MLLT3: variants seen among roughly 807,000 people sequenced by gnomAD.
MLLT3 encodes the protein protein AF-9.
A neutral mutation model predicts 53.2 loss-of-function variants in MLLT3; 4 were observed. That is an observed-to-expected ratio of 0.08 (90% confidence interval 0.04 to 0.17). The LOEUF is 0.17. Ranked by LOEUF, MLLT3 falls within the 10% of genes least tolerant of loss-of-function variation. The probability of loss-of-function intolerance (pLI) is 1.00; values close to 1 mark genes in which losing one functional copy is unlikely to be tolerated. For synonymous variants in MLLT3, 283 were observed against 230.6 expected (o/e 1.23, Z -2.06); for missense variants, 569 against 684.0 (o/e 0.83, Z 1.87).
At chr9:20,596,429 C>T (rs1820265947) in intron 2 of MLLT3, among the ~76,000 whole-genome samples, 1 of 152,186 alleles carries the variant, frequency 6.6e-6, no homozygotes, top group Non-Finnish European at 1.5e-5. Context: ...GTGGCACACG[C>T]CTATAATCCC....
At chr9:20,548,528 T>C (rs1286464864) in intron 2 of MLLT3, among the ~76,000 whole-genome samples, 2 of 152,204 alleles carry the variant, frequency 1.3e-5, no homozygotes, top group African/African-American at 4.8e-5. Flanking sequence ...TGGATTTTAA[T>C]TGTAATAATT....
chr9:20,487,733 T>A (rs993529910), intron 2 of MLLT3, among the ~76,000 whole-genome samples: 2 of 152,140 alleles, frequency 1.3e-5, no homozygotes, highest in Non-Finnish European at 2.9e-5. Context: ...CATATTTATG[T>A]CAAAAATCAA....
chr9:20,438,396 G>A (rs1289098953), intron 4 of MLLT3, among the ~76,000 whole-genome samples: 1 of 152,074 alleles, frequency 6.6e-6, no homozygotes, highest in Non-Finnish European at 1.5e-5. Flanking sequence ...GTTATAGAGT[G>A]GGGAGAGGTA....
chr9:20,461,071 A>C (rs995233915), intron 2 of MLLT3, among the ~76,000 whole-genome samples: 2 of 152,072 alleles, frequency 1.3e-5, no homozygotes, highest in African/African-American at 2.4e-5. Flanking sequence ...CCAAGACTCT[A>C]ATTGGGAGAG....
intron 3 of MLLT3, among the ~76,000 whole-genome samples, chr9:20,451,090 C>A (rs1823828167): frequency 6.6e-6 from 1 of 152,124 alleles, no homozygotes; most frequent in East Asian, 1.9e-4. Context: ...CACATAACAC[C>A]ATTCAGGTGT....
At chr9:20,387,632 G>A (rs1045499815) in intron 5 of MLLT3, among the ~76,000 whole-genome samples, 2 of 152,154 alleles carry the variant, frequency 1.3e-5, no homozygotes, top group Non-Finnish European at 2.9e-5. Flanking sequence ...ACACAATTGT[G>A]ATATATTATC....
At position 20,511,797 on chromosome 9, in the gene MLLT3, C is replaced by A. The variant is rs185177928; in HGVS notation, c.194-55011G>T. On this transcript the variant is annotated intron_variant, in intron 2 of 10. Transcript: ENST00000380338. ...ACACACACACCTCTGCCTCTCCTTC[C>A]TCTTCAGCAAGTAAAGCTTAGAAGA... is the stretch of plus-strand genomic sequence containing the variant. Among the ~76,000 whole-genome samples, 12 of 152,280 alleles carry A rather than the reference C, an allele frequency of 7.9e-5. No homozygotes were observed. In the East Asian group the frequency reaches 2.3e-3, roughly 29 times the overall value.
At chr9:20,425,450 G>T (rs1041124521) in intron 4 of MLLT3, among the ~76,000 whole-genome samples, 1 of 151,964 alleles carries the variant, frequency 6.6e-6, no homozygotes, top group Non-Finnish European at 1.5e-5. Context: ...AAATATCTTC[G>T]ACTTCACAAA....
At chr9:20,400,507 T>A (rs1433602561) in intron 5 of MLLT3, among the ~76,000 whole-genome samples, 2 of 152,094 alleles carry the variant, frequency 1.3e-5, no homozygotes, top group Non-Finnish European at 2.9e-5. Flanking sequence ...TTCTGTTTTT[T>A]AAAAAAGTCC....
intron 2 of MLLT3, among the ~76,000 whole-genome samples, chr9:20,477,948 G>A (rs1357505033): frequency 6.6e-6 from 1 of 152,238 alleles, no homozygotes; most frequent in Non-Finnish European, 1.5e-5. Flanking sequence ...TTAGGTTGCA[G>A]AAGAAGCGCT....
rs1484257897 is a variant in MLLT3, at chr9:20,558,468, A to C, written c.193+62186T>G. On this transcript the variant is annotated intron_variant, in intron 2 of 10. Transcript: ENST00000380338. ...GAAGCATCTTTCCAACCCGAACTGCAATATAACTTTTTCATTGCAATAAAC... is the reference window on the plus strand; with the variant it reads ...GAAGCATCTTTCCAACCCGAACTGCCATATAACTTTTTCATTGCAATAAAC... Among the ~76,000 whole-genome samples the C allele has an allele frequency of 3.9e-5, 6 of 152,226 alleles. No homozygotes were observed. In the South Asian group the frequency reaches 1.0e-3, roughly 26 times the overall value.
chr9:20,469,713 GGT>G (rs1824333505), intron 2 of MLLT3, among the ~76,000 whole-genome samples: 1 of 140,244 alleles, frequency 7.1e-6, no homozygotes, highest in African/African-American at 2.6e-5. Flanking sequence ...TCACTAATTC[GGT>G]GCAATCAGGA....
chr9:20,456,128 G>A (rs564919136), intron 3 of MLLT3, among the ~76,000 whole-genome samples: 4 of 151,954 alleles, frequency 2.6e-5, no homozygotes, highest in East Asian at 1.9e-4. Context: ...TAGTAGAGAC[G>A]AGGTTTCACC....
At chr9:20,351,060 C>A (rs1587141051) in intron 10 of MLLT3, among the ~76,000 whole-genome samples, 1 of 152,272 alleles carries the variant, frequency 6.6e-6, no homozygotes, top group African/African-American at 2.4e-5. Flanking sequence ...AATGTGTGCC[C>A]TACCCTTGGT....
Position 20,361,435 on chromosome 9 carries a change from A to G in MLLT3, c.1332-594T>C, listed in dbSNP as rs1821319195. ...AAAACAGCCCTGCACCGCTGACAGC[A>G]CAGAGTGACATCTAAGGATTGAACA... On this transcript the variant is annotated intron_variant, in intron 7 of 10. Transcript: ENST00000380338. Among the ~76,000 whole-genome samples the G allele has an allele frequency of 7.2e-5, 11 of 152,354 alleles. No homozygotes were observed. The South Asian group carries it at 2.3e-3, about 32-fold the overall frequency.
At chr9:20,468,336 T>A (rs1327218454) in intron 2 of MLLT3, among the ~76,000 whole-genome samples, 2 of 152,158 alleles carry the variant, frequency 1.3e-5, no homozygotes, top group East Asian at 3.8e-4. Flanking sequence ...CTGTCATAGC[T>A]CCTTGACAGG....
chr9:20,595,296 G>A (rs1449098346), intron 2 of MLLT3, among the ~76,000 whole-genome samples: 1 of 152,110 alleles, frequency 6.6e-6, no homozygotes, highest in Non-Finnish European at 1.5e-5. Context: ...GATCCCAGGA[G>A]ACTGAGGCAG....
intron 2 of MLLT3, among the ~76,000 whole-genome samples, chr9:20,573,330 C>G (rs934776825): frequency 1.3e-5 from 2 of 152,004 alleles, no homozygotes; most frequent in African/African-American, 2.4e-5. Flanking sequence ...TAGGCACATG[C>G]CACTGTGCCT....
At chr9:20,562,947 T>C (rs1278394782) in intron 2 of MLLT3, among the ~76,000 whole-genome samples, 2 of 152,182 alleles carry the variant, frequency 1.3e-5, no homozygotes, top group South Asian at 2.1e-4. Flanking sequence ...TTACTTATAC[T>C]GTACCCAATG....
Sources: gnomAD v4.1 joint callset for allele counts (sites outside exome capture counted in the v4.1 genomes callset) on GRCh38, gnomAD v4.1.1 for gene constraint, MANE v1.5 for transcripts, NCBI Gene and HGNC (gene_info 2026-07-23, HGNC 2026-07-21) for gene names.